GRID2: variants seen among roughly 807,000 people sequenced by gnomAD.
GRID2 encodes the protein glutamate receptor ionotropic, delta-2.
Under a neutral mutation model 114.8 loss-of-function variants are expected in GRID2, and 33 were observed. The ratio of observed to expected loss-of-function variants is 0.29; its 90% CI spans 0.22 to 0.38. The LOEUF (loss-of-function observed/expected upper bound fraction) is 0.38. Among genes scored for constraint, GRID2 ranks in the 10% least tolerant of loss-of-function variants. GRID2 has a pLI of 1.00. For synonymous variants in GRID2, 505 were observed against 449.9 expected, an observed-to-expected ratio of 1.12 and a Z score of -1.55; for missense variants, 1,184 against 1,257.7, an observed-to-expected ratio of 0.94 and a Z score of 0.89.
intron 2 of GRID2, among the ~76,000 whole-genome samples, chr4:92,800,340 G>C (rs1291066371): frequency 2.0e-5 from 3 of 151,056 alleles, no homozygotes; most frequent in African/African-American, 7.3e-5. Context: ...AGAAAAAAAA[G>C]AAATAAACTC....
In GRID2 at chr4:92,941,202, CT is replaced by C. The variant is rs906606183; in HGVS notation, c.245-143786del. Among the ~76,000 whole-genome samples, 144 of 152,166 alleles carry C rather than the reference CT, an allele frequency of 9.5e-4. No homozygotes were observed. In the Middle Eastern group the frequency reaches 0.01, roughly 11 times the overall value. On this transcript the variant is annotated intron_variant, in intron 2 of 15. Coordinates refer to ENST00000282020, the MANE Select transcript of GRID2 (RefSeq NM_001510.4). Reference sequence around the variant, plus strand: ...GGCTGTGAATCCCTCTGGTCCTGGACTTTTTTTGGTTGGTAAGCTATTAATT... The same window carrying C: ...GGCTGTGAATCCCTCTGGTCCTGGACTTTTTTGGTTGGTAAGCTATTAATT...
chr4:93,108,008 G>C (rs190853295), intron 3 of GRID2, among the ~76,000 whole-genome samples: 1 of 152,220 alleles, frequency 6.6e-6, no homozygotes, highest in East Asian at 1.9e-4. Flanking sequence ...TGTCTCACTA[G>C]CTAGGCTGCA....
intron 2 of GRID2, among the ~76,000 whole-genome samples, chr4:92,860,976 T>C (rs1744487775): frequency 6.6e-6 from 1 of 152,046 alleles, no homozygotes; most frequent in Admixed American, 6.6e-5. Flanking sequence ...GATAATATAA[T>C]ATGTTAAGTT....
chr4:93,767,148 T>C (rs1282309882), intron 14 of GRID2, among the ~76,000 whole-genome samples: 2 of 152,164 alleles, frequency 1.3e-5, no homozygotes, highest in African/African-American at 4.8e-5. Flanking sequence ...GGAATGAAGG[T>C]CATAAGTTTG....
intron 14 of GRID2, among the ~76,000 whole-genome samples, chr4:93,698,306 A>G (rs1037491418): frequency 1.3e-5 from 2 of 152,076 alleles, no homozygotes; most frequent in African/African-American, 4.8e-5. Context: ...TACAAGTTTA[A>G]CTGCTGTATA....
At chr4:93,517,938 TA>T in intron 13 of GRID2, among the ~76,000 whole-genome samples, 1 of 39,478 alleles carries the variant, frequency 2.5e-5, no homozygotes, top group Non-Finnish European at 6.7e-5. Flanking sequence ...TATATGTATG[TA>T]TATACATACA....
intron 8 of GRID2, among the ~76,000 whole-genome samples, chr4:93,270,534 A>G (rs755898819): frequency 1.2e-4 from 18 of 152,156 alleles, no homozygotes; most frequent in Non-Finnish European, 1.9e-4. Context: ...ACATCATCCT[A>G]TCCTACCAAG....
At chr4:93,105,070 A>G (rs1421208911) in intron 3 of GRID2, among the ~76,000 whole-genome samples, 1 of 151,752 alleles carries the variant, frequency 6.6e-6, no homozygotes, top group Non-Finnish European at 1.5e-5. Context: ...GATGATGAGC[A>G]TTTTTTCATG....
chr4:92,885,665 T>A (rs1746319965), intron 2 of GRID2, among the ~76,000 whole-genome samples: 2 of 152,244 alleles, frequency 1.3e-5, no homozygotes, highest in African/African-American at 2.4e-5. Context: ...TGTTGTAAGA[T>A]GACTCTCAGA....
chr4:93,126,584 C>CTTTTTTTTTTTTT (rs60017147), intron 4 of GRID2, among the ~76,000 whole-genome samples: 7 of 52,734 alleles, frequency 1.3e-4, no homozygotes, highest in South Asian at 8.2e-4. Flanking sequence ...CTATTTAATT[C>CTTTTTTTTTTTTT]TTTTTTTTTT....
chr4:93,057,029 A>T (rs1418407441), intron 2 of GRID2, among the ~76,000 whole-genome samples: 1 of 151,950 alleles, frequency 6.6e-6, no homozygotes, highest in Non-Finnish European at 1.5e-5. Flanking sequence ...AAATATTGGT[A>T]ATGAGAATAA....
At chr4:92,553,592 G>A (rs1408903021) in intron 1 of GRID2, among the ~76,000 whole-genome samples, 4 of 151,588 alleles carry the variant, frequency 2.6e-5, no homozygotes, top group Non-Finnish European at 5.9e-5. Context: ...AAATTATATT[G>A]ACCACTTACA....
intron 8 of GRID2, among the ~76,000 whole-genome samples, chr4:93,318,222 A>G (rs916923600): frequency 2.0e-5 from 3 of 151,630 alleles, no homozygotes; most frequent in Non-Finnish European, 4.4e-5. Flanking sequence ...TAGCTTTCAG[A>G]GAATTTAACT....
chr4:93,154,446 A>T (rs1171428506), intron 4 of GRID2, among the ~76,000 whole-genome samples: 11 of 151,850 alleles, frequency 7.2e-5, no homozygotes, highest in Non-Finnish European at 1.6e-4. Context: ...ATCTCTTCTG[A>T]TTTGTTGGTG....
intron 2 of GRID2, among the ~76,000 whole-genome samples, chr4:92,982,800 G>A (rs564506650): frequency 1.3e-5 from 2 of 152,064 alleles, no homozygotes; most frequent in Non-Finnish European, 2.9e-5. Flanking sequence ...GCAGAGCCAT[G>A]TATTAAAAGT....
intron 1 of GRID2, among the ~76,000 whole-genome samples, chr4:92,305,373 G>T (rs1264654101): frequency 6.6e-6 from 1 of 152,090 alleles, no homozygotes; most frequent in Non-Finnish European, 1.5e-5. Context: ...CGGCAGTGTC[G>T]CCAAGGACTG....
intron 2 of GRID2, among the ~76,000 whole-genome samples, chr4:92,744,151 G>T (rs1485049364): frequency 6.6e-6 from 1 of 152,056 alleles, no homozygotes; most frequent in Non-Finnish European, 1.5e-5. Context: ...GCATGAGAAA[G>T]CAGAACAAGG....
intron 14 of GRID2, among the ~76,000 whole-genome samples, chr4:93,732,593 G>A (rs138081629): frequency 2.0e-5 from 3 of 151,944 alleles, no homozygotes; most frequent in East Asian, 3.9e-4. Context: ...TTTTTTTAAT[G>A]TTATAACTCA....
intron 2 of GRID2, among the ~76,000 whole-genome samples, chr4:92,978,115 G>A (rs1193776295): frequency 6.6e-6 from 1 of 152,124 alleles, no homozygotes; most frequent in Non-Finnish European, 1.5e-5. Context: ...AAGAATTAGA[G>A]TGTGCCTATG....
Sources: gnomAD v4.1 joint callset for allele counts (sites outside exome capture counted in the v4.1 genomes callset) on GRCh38, gnomAD v4.1.1 for gene constraint, MANE v1.5 for transcripts, NCBI Gene and HGNC (gene_info 2026-07-23, HGNC 2026-07-21) for gene names.